Variants in PLD1 observed in about 807,000 individuals in gnomAD.
The protein encoded by PLD1 is choline phosphatase 1.
PLD1 carries 112 observed loss-of-function variants against 137.1 expected under a neutral mutation model. The observed-to-expected ratio is 0.82, with a 90% CI of 0.70 to 0.96. The LOEUF is 0.96. PLD1 is among the 40% of genes least tolerant of loss of function. The pLI is 0.00. For missense variants in PLD1, 1,321 were observed against 1,342.0 expected (o/e 0.98, Z 0.24); for synonymous variants, 431 against 454.7 (o/e 0.95, Z 0.66).
chr3:171,795,496 G>T (rs370915686), intron 1 of PLD1, among the ~76,000 whole-genome samples: 8 of 152,216 alleles, frequency 5.3e-5, no homozygotes, highest in South Asian at 4.2e-4. Flanking sequence ...ACTGTCTCTG[G>T]TCTTTCACCC....
At chr3:171,614,072 C>T (rs1732894676) in intron 24 of PLD1, among the ~76,000 whole-genome samples, 1 of 152,144 alleles carries the variant, frequency 6.6e-6, no homozygotes, top group African/African-American at 2.4e-5. Context: ...AAAAGCTGCC[C>T]TTTCCTGAAG....
chr3:171,652,478 C>T (rs1402212465), intron 21 of PLD1, among the ~76,000 whole-genome samples: 1 of 151,528 alleles, frequency 6.6e-6, no homozygotes, highest in East Asian at 1.9e-4. Context: ...TGAAACAAGC[C>T]CAACATGTCT....
chr3:171,725,009 G>A lies in PLD1; in HGVS notation c.666-221C>T, dbSNP rs193277647. 3.5e-3 allele frequency among the ~76,000 whole-genome samples: 532 copies of A among 152,186 alleles called. 1 individual carries two copies. The highest frequency in any genetic ancestry group is 4.7e-3 in the Non-Finnish European group (318 of 68,014). ...GTGAGATATAGCCCCTTCAGCATTC[G>A]GGGCAGTGTGATTCTGTTGTGCACT... On this transcript the variant is annotated intron_variant, in intron 7 of 26. Transcript: ENST00000351298.
At chr3:171,660,898 C>A (rs531624707) in intron 20 of PLD1, among the ~76,000 whole-genome samples, 1 of 152,232 alleles carries the variant, frequency 6.6e-6, no homozygotes, top group South Asian at 2.1e-4. Flanking sequence ...CATGAGCCAC[C>A]GTGCCCGGCC....
intron 1 of PLD1, among the ~76,000 whole-genome samples, chr3:171,766,599 G>A (rs1006020277): frequency 6.6e-6 from 1 of 151,962 alleles, no homozygotes; most frequent in African/African-American, 2.4e-5. Context: ...GTGATGGTCC[G>A]TCATGCAATT....
At chr3:171,624,428 C>A (rs1364757434) in intron 23 of PLD1, among the ~76,000 whole-genome samples, 1 of 152,070 alleles carries the variant, frequency 6.6e-6, no homozygotes, top group East Asian at 1.9e-4. Flanking sequence ...GATGAAAATG[C>A]AAATTCATAC....
chr3:171,774,192 A>C (rs970921001), intron 1 of PLD1, among the ~76,000 whole-genome samples: 2 of 152,164 alleles, frequency 1.3e-5, no homozygotes, highest in African/African-American at 4.8e-5. Flanking sequence ...TTTCTTCCTG[A>C]GTGCGTACCA....
rs58363521 is a variant in PLD1 at position 171,764,896 on chromosome 3, G to C, written c.-31-26814C>G. Among the ~76,000 whole-genome samples, 2 of 31,356 alleles carry C rather than the reference G, an allele frequency of 6.4e-5. 1 individual carries two copies. The allele number at this position is 31,356 out of a possible 152,430, so 20.6% of individuals were successfully genotyped here. ...GAAAGAAAGAAAGAAAGAAAGAAAGGAAGGAAGGAAGGAAGGAAAGAAAGA... is the reference window on the plus strand; with the variant it reads ...GAAAGAAAGAAAGAAAGAAAGAAAGCAAGGAAGGAAGGAAGGAAAGAAAGA... On this transcript the variant is annotated intron_variant, in intron 1 of 26. Coordinates refer to ENST00000351298, the MANE Select transcript of PLD1 (RefSeq NM_002662.5).
At chr3:171,655,902 GAGCTAAATGACAC>G (rs1737150170) in intron 21 of PLD1, among the ~76,000 whole-genome samples, 1 of 152,138 alleles carries the variant, frequency 6.6e-6, no homozygotes, top group Non-Finnish European at 1.5e-5. Flanking sequence ...TGAGAGATCA[GAGCTAAATGACAC>G]AGGTTTATTT....
intron 1 of PLD1, among the ~76,000 whole-genome samples, chr3:171,759,971 A>C (rs961237328): frequency 6.6e-6 from 1 of 152,232 alleles, no homozygotes; most frequent in African/African-American, 2.4e-5. Flanking sequence ...TGCAAAAGCA[A>C]GACTGATATT....
rs1023947938 is a variant in PLD1 at position 171,626,282 on chromosome 3, C to A, written c.2594-5762G>T. On this transcript the variant is annotated intron_variant, in intron 23 of 26. Coordinates refer to ENST00000351298, the MANE Select transcript of PLD1 (RefSeq NM_002662.5). The stretch of plus-strand genomic sequence containing the variant: ...GGAAGACAAAATGAATGAAATGAAG[C>A]GAGAAGGGAAGTTTAGAGAAAAAAG... Among the ~76,000 whole-genome samples the A allele has an allele frequency of 2.0e-5, 3 of 151,902 alleles. No homozygotes were observed. In the South Asian group the frequency reaches 6.2e-4, roughly 32 times the overall value.
At chr3:171,803,140 AGGTT>A (rs1337605751) in intron 1 of PLD1, among the ~76,000 whole-genome samples, 1 of 152,212 alleles carries the variant, frequency 6.6e-6, no homozygotes, top group Non-Finnish European at 1.5e-5. Context: ...GCTCTTCAGG[AGGTT>A]GCAGGGAGAA....
chr3:171,623,564 C>T lies in PLD1; in HGVS notation c.2594-3044G>A, dbSNP rs529650823. 2.0e-4 allele frequency among the ~76,000 whole-genome samples: 30 copies of T among 151,736 alleles called. No homozygotes were observed. The South Asian group carries it at 2.3e-3, about 12-fold the overall frequency. On this transcript the variant is annotated intron_variant, in intron 23 of 26. Coordinates refer to ENST00000351298, the MANE Select transcript of PLD1 (RefSeq NM_002662.5). ...GTCTCGACCTCCTGACCTCGTGATC[C>T]GCCCACCTCGGCCTCCCAAAGTGCT...
chr3:171,653,490 G>A (rs997547985), intron 21 of PLD1: 6 of 152,198 alleles, frequency 3.9e-5, no homozygotes, highest in African/African-American at 9.6e-5. Context: ...CAAACCTCTA[G>A]ACAGAGTGTT....
In PLD1 at chr3:171,715,512, CATT is replaced by C. The variant is rs1293750600; in HGVS notation, c.759-1470_759-1468del. 2.6e-5 allele frequency among the ~76,000 whole-genome samples: 4 copies of C among 151,944 alleles called. No homozygotes were observed. The East Asian group carries it at 7.7e-4, about 29-fold the overall frequency. ...GTTTTTTCTATTTCTGTGAAAATGT[CATT>C]AGTATTTTGATAGGGTTGCACTGAA... is the stretch of plus-strand genomic sequence containing the variant. On this transcript the variant is annotated intron_variant, in intron 8 of 26. Transcript: ENST00000351298.
chr3:171,627,133 A>C (rs1734190176), intron 23 of PLD1, among the ~76,000 whole-genome samples: 1 of 152,238 alleles, frequency 6.6e-6, no homozygotes, highest in Non-Finnish European at 1.5e-5. Context: ...GCAGAGACAC[A>C]CATAGGCTCA....
chr3:171,642,724 G>T, intron 23 of PLD1, 116 bp downstream of exon 23: 1 of 640,376 alleles, frequency 1.6e-6, no homozygotes, highest in Non-Finnish European at 2.7e-6. Context: ...TGAACATTTT[G>T]TGGGGTACCT....
chr3:171,638,968 G>C (rs936786839), intron 23 of PLD1, among the ~76,000 whole-genome samples: 1 of 151,700 alleles, frequency 6.6e-6, no homozygotes, highest in Admixed American at 6.6e-5. Context: ...TTGGAATCTC[G>C]GTCTGCTCTT....
intron 1 of PLD1, among the ~76,000 whole-genome samples, chr3:171,775,099 CT>C (rs1201877516): frequency 2.0e-5 from 3 of 152,072 alleles, no homozygotes; most frequent in Non-Finnish European, 2.9e-5. Flanking sequence ...AGAATTCAGG[CT>C]GTTGATAAAA....
Sources: allele counts gnomAD v4.1 joint callset (sites outside exome capture counted in the v4.1 genomes callset), GRCh38; gene constraint gnomAD v4.1.1; transcripts MANE v1.5; gene names NCBI Gene and HGNC (gene_info 2026-07-23, HGNC 2026-07-21).